Variants in GLP1R observed in about 807,000 individuals in gnomAD.
GLP1R encodes glucagon like peptide 1 receptor.
GLP1R carries 32 observed loss-of-function variants against 68.4 expected under a neutral mutation model. The observed-to-expected ratio is 0.47, with a 90% CI of 0.35 to 0.63. The LOEUF (loss-of-function observed/expected upper bound fraction) is 0.63, where lower values mean the gene tolerates loss of function less well. GLP1R is among the 20% of genes least tolerant of loss of function. The pLI, the probability that GLP1R is intolerant of heterozygous loss-of-function variation, is 0.00. For missense variants in GLP1R, 502 were observed against 594.9 expected, an observed-to-expected ratio of 0.84 and a Z score of 1.62; for synonymous variants, 263 against 244.4, an observed-to-expected ratio of 1.08 and a Z score of -0.71.
At chr6:39,064,564 C>T (rs1223391216) in intron 3 of GLP1R, among the ~76,000 whole-genome samples, 1 of 151,988 alleles carries the variant, frequency 6.6e-6, no homozygotes, top group Admixed American at 6.6e-5. Flanking sequence ...CCCTTTTGTC[C>T]CAAGTTCATT....
intron 3 of GLP1R, among the ~76,000 whole-genome samples, chr6:39,058,599 C>T (rs1348226463): frequency 6.6e-6 from 1 of 152,140 alleles, no homozygotes; most frequent in Non-Finnish European, 1.5e-5. Flanking sequence ...ACCCTCATGG[C>T]AAGGAGCTCC....
At chr6:39,071,739 C>A (rs1202237145) in intron 5 of GLP1R, among the ~76,000 whole-genome samples, 2 of 152,142 alleles carry the variant, frequency 1.3e-5, no homozygotes, top group African/African-American at 4.8e-5. Flanking sequence ...GCAAAATCTC[C>A]TCCTCTGTGA....
At chr6:39,066,958 C>A (rs9296282) in intron 5 of GLP1R, among the ~76,000 whole-genome samples, 1 of 151,930 alleles carries the variant, frequency 6.6e-6, no homozygotes, top group South Asian at 2.1e-4. Context: ...CCTGGGCACA[C>A]GGTGCTCAAT....
chr6:39,053,650 C>T (rs1453713002), intron 1 of GLP1R, among the ~76,000 whole-genome samples: 3 of 152,192 alleles, frequency 2.0e-5, no homozygotes, highest in Non-Finnish European at 4.4e-5. Flanking sequence ...GGAGGGGCTG[C>T]TGTTCCCTTT....
At chr6:39,073,208 A>G (rs2235867) in intron 6 of GLP1R, among the ~76,000 whole-genome samples, 193 bp downstream of exon 6, 137,844 of 152,236 alleles carry the variant, frequency 0.91, 62,578 homozygotes, top group African/African-American at 0.98. Flanking sequence ...AGTCTACCTT[A>G]GGGAGCTCCC....
At chr6:39,066,407 C>T (rs541904474) in intron 5 of GLP1R, 104 bp downstream of exon 5, 14 of 650,286 alleles carry the variant, frequency 2.2e-5, no homozygotes, top group Admixed American at 1.0e-4. Context: ...GCAGCACATT[C>T]GTCCTTCTCT....
At chr6:39,062,803 T>G (rs1768383451) in intron 3 of GLP1R, among the ~76,000 whole-genome samples, 1 of 152,252 alleles carries the variant, frequency 6.6e-6, no homozygotes, top group Non-Finnish European at 1.5e-5. Flanking sequence ...GGCAAGTTGT[T>G]TGGCTTCTCA....
intron 5 of GLP1R, among the ~76,000 whole-genome samples, chr6:39,072,488 C>T (rs967271422): frequency 6.6e-6 from 1 of 152,230 alleles, no homozygotes; most frequent in Non-Finnish European, 1.5e-5. Context: ...CCTGCTCTGC[C>T]TCTGTGAGGC....
At position 39,068,471 on chromosome 6, in the gene GLP1R, A is replaced by C. The variant is rs551505919; in HGVS notation, c.509+2168A>C. On this transcript the variant is annotated intron_variant, in intron 5 of 12. Transcript: ENST00000373256. ...GTAGCGGCCCCACACCTGTGCCTTA[A>C]CTACTATAGATTTATTAGAAACCTC... Among the ~76,000 whole-genome samples, 4 of 152,246 alleles carry C rather than the reference A, an allele frequency of 2.6e-5. No homozygotes were observed. The East Asian group carries it at 7.7e-4, about 29-fold the overall frequency.
intron 3 of GLP1R, among the ~76,000 whole-genome samples, chr6:39,060,465 C>A (rs1443607397): frequency 6.6e-6 from 1 of 152,214 alleles, no homozygotes; most frequent in Non-Finnish European, 1.5e-5. Flanking sequence ...AAAGCTTGAG[C>A]ACCCCTAGAC....
rs998860742 is a variant in GLP1R, at chr6:39,075,204, C to T, written c.823+1435C>T. On this transcript the variant is annotated intron_variant, in intron 7 of 12. Transcript: ENST00000373256. ...TAGGCCTGGCTCCTGCTCACAGATC[C>T]CTGCTCCTCACCTGCCTCCTCCACT... Among the ~76,000 whole-genome samples, 6 of 152,340 alleles carry T rather than the reference C, an allele frequency of 3.9e-5. No homozygotes were observed. The East Asian group carries it at 1.2e-3, about 30-fold the overall frequency.
rs559476785 is a variant in GLP1R, at chr6:39,085,611, G to A, written c.1225-295G>A. Among the ~76,000 whole-genome samples, 10 of 152,206 alleles carry A rather than the reference G, an allele frequency of 6.6e-5. No homozygotes were observed. The East Asian group carries it at 7.7e-4, about 12-fold the overall frequency. ...TTCACCCTCCCTCTCATTCTCTTCCGTTAAATAATACTGTGATGGATTGTA... is the reference window on the plus strand; with the variant it reads ...TTCACCCTCCCTCTCATTCTCTTCCATTAAATAATACTGTGATGGATTGTA... On this transcript the variant is annotated intron_variant, in intron 12 of 12. Transcript: ENST00000373256.
chr6:39,059,284 C>T (rs1415074386), intron 3 of GLP1R, among the ~76,000 whole-genome samples: 2 of 152,248 alleles, frequency 1.3e-5, no homozygotes, highest in Admixed American at 6.5e-5. Context: ...AACTAAGGCA[C>T]AGAGGTGCTC....
chr6:39,073,888 C>A (rs1768741941), intron 7 of GLP1R, 119 bp downstream of exon 7: 2 of 865,770 alleles, frequency 2.3e-6, no homozygotes, highest in Non-Finnish European at 3.7e-6. Flanking sequence ...ACTGGGTAAC[C>A]CTCTTCCTGG....
intron 12 of GLP1R, among the ~76,000 whole-genome samples, chr6:39,083,467 C>T (rs1405280898): frequency 1.3e-5 from 2 of 152,204 alleles, no homozygotes; most frequent in Non-Finnish European, 2.9e-5. Flanking sequence ...GTGTGGCTGC[C>T]AAGGCCTGCA....
chr6:39,066,404 A>C, intron 5 of GLP1R, 101 bp downstream of exon 5: 1 of 656,670 alleles, frequency 1.5e-6, no homozygotes, highest in Admixed American at 2.5e-5. Flanking sequence ...AGTGCAGCAC[A>C]TTCGTCCTTC....
At chr6:39,058,244 A>T (rs1768266677) in intron 3 of GLP1R, among the ~76,000 whole-genome samples, 1 of 152,138 alleles carries the variant, frequency 6.6e-6, no homozygotes, top group Non-Finnish European at 1.5e-5. Flanking sequence ...GTATACATGT[A>T]TGTATGATAT....
intron 1 of GLP1R, among the ~76,000 whole-genome samples, chr6:39,050,285 C>G (rs553085868): frequency 6.6e-6 from 1 of 152,150 alleles, no homozygotes; most frequent in Non-Finnish European, 1.5e-5. Context: ...TCTTGCCCAT[C>G]GTTCCCTCCT....
rs1554173035 is a variant in GLP1R, at chr6:39,086,194, CACACACACACAT to C, written c.*125_*136del. 16,061 of 682,920 alleles carry C rather than the reference CACACACACACAT, an allele frequency of 0.024. 102 individuals are homozygous for C. The highest frequency in any genetic ancestry group is 0.13 in the East Asian group (4,024 of 31,044). 42.3% of individuals were successfully genotyped at this position (682,920 alleles called of 1,614,324 possible). ...ACACACACACACACACACACACACA[CACACACACACAT>C]ACATCCTGCTTTCCCTCCCCAAACC... On this transcript the variant is annotated 3_prime_UTR_variant, in exon 13 of 13. Coordinates refer to ENST00000373256, the MANE Select transcript of GLP1R (RefSeq NM_002062.5). This position sits in a 1 kb window ranked among gnomAD's most constrained non-coding sequence, Gnocchi z 4.5.
Sources: gnomAD v4.1 joint callset for allele counts (sites outside exome capture counted in the v4.1 genomes callset) on GRCh38, gnomAD v4.1.1 for gene constraint, Gnocchi (gnomAD v3.1) non-coding constraint, MANE v1.5 for transcripts, NCBI Gene and HGNC (gene_info 2026-07-23, HGNC 2026-07-21) for gene names.